Variants in CLVS1 observed in about 807,000 individuals in gnomAD.
CLVS1 encodes the protein clavesin 1.
CLVS1 carries 10 observed loss-of-function variants against 33.1 expected under a neutral mutation model. The ratio of observed to expected loss-of-function variants is 0.30; its 90% CI spans 0.19 to 0.51. CLVS1 has a LOEUF of 0.51. Among genes scored for constraint, CLVS1 ranks in the 20% least tolerant of loss-of-function variants. The probability of loss-of-function intolerance (pLI) is 0.97; values close to 1 mark genes in which losing one functional copy is unlikely to be tolerated. For synonymous variants in CLVS1, 163 were observed against 166.1 expected (o/e 0.98, Z 0.14); for missense variants, 343 against 433.4 (o/e 0.79, Z 1.85).
chr8:61,326,185 C>A (rs1434693562), intron 2 of CLVS1, among the ~76,000 whole-genome samples: 1 of 152,188 alleles, frequency 6.6e-6, no homozygotes, highest in Non-Finnish European at 1.5e-5. Context: ...TTTGTTACAA[C>A]AAAGGTACCC....
intron 3 of CLVS1, among the ~76,000 whole-genome samples, chr8:61,419,750 T>C (rs1337658128): frequency 1.3e-5 from 2 of 152,258 alleles, no homozygotes; most frequent in East Asian, 1.9e-4. Context: ...CTCTGTAGGC[T>C]CTCAGGCTTT....
intron 2 of CLVS1, among the ~76,000 whole-genome samples, chr8:61,183,955 A>G (rs1807291960): frequency 6.6e-6 from 1 of 152,172 alleles, no homozygotes; most frequent in South Asian, 2.1e-4. Flanking sequence ...GTTGTTTCGG[A>G]AAAAGTAATG....
At chr8:61,478,058 C>T (rs1818024083) in intron 5 of CLVS1, among the ~76,000 whole-genome samples, 1 of 152,120 alleles carries the variant, frequency 6.6e-6, no homozygotes, top group South Asian at 2.1e-4. Context: ...TTACTTCTGC[C>T]TTCATTTCGT....
chr8:61,202,205 A>T, intron 2 of CLVS1: 1 of 437,554 alleles, frequency 2.3e-6, no homozygotes, highest in South Asian at 2.2e-5. Context: ...AGCTAAGAAC[A>T]TAAAGTACAT....
chr8:61,484,348 T>A (rs1803789096), intron 5 of CLVS1, among the ~76,000 whole-genome samples: 1 of 152,118 alleles, frequency 6.6e-6, no homozygotes, highest in South Asian at 2.1e-4. Context: ...TCACAATTGC[T>A]TCAAAGAGAA....
chr8:61,393,902 T>C (rs991328058), intron 3 of CLVS1, among the ~76,000 whole-genome samples: 2 of 152,142 alleles, frequency 1.3e-5, no homozygotes, highest in African/African-American at 4.8e-5. Context: ...AGCAGGGAAG[T>C]TGTCACCTGC....
At chr8:61,202,551 C>T (rs1026670514) in intron 2 of CLVS1, 17 of 1,168,454 alleles carry the variant, frequency 1.5e-5, no homozygotes, top group African/African-American at 3.0e-5. Flanking sequence ...CAATGAATTA[C>T]GAAGGCAGCC....
chr8:61,313,854 C>G (rs1428119389), intron 2 of CLVS1, among the ~76,000 whole-genome samples: 1 of 152,140 alleles, frequency 6.6e-6, no homozygotes, highest in Non-Finnish European at 1.5e-5. Context: ...GCCTACTGAT[C>G]CACAGCATGG....
At chr8:61,190,929 G>A (rs756210309) in intron 2 of CLVS1, among the ~76,000 whole-genome samples, 5 of 152,120 alleles carry the variant, frequency 3.3e-5, no homozygotes, top group Admixed American at 6.6e-5. Context: ...ATTCACAGCT[G>A]AATTCTACCA....
intron 1 of CLVS1, among the ~76,000 whole-genome samples, chr8:61,088,898 T>C (rs1805178413): frequency 6.6e-6 from 1 of 151,390 alleles, no homozygotes; most frequent in South Asian, 2.1e-4. Context: ...GCCTCCTGGG[T>C]TCACGCCATT....
chr8:61,065,331 A>C (rs1365819607), intron 1 of CLVS1, among the ~76,000 whole-genome samples: 1 of 152,226 alleles, frequency 6.6e-6, no homozygotes, highest in African/African-American at 2.4e-5. Context: ...GTACAGATAC[A>C]ATCATCTTTT....
chr8:61,292,105 G>A (rs1810013801), intron 1 of CLVS1: 1 of 268,358 alleles, frequency 3.7e-6, no homozygotes, highest in African/African-American at 3.4e-5. Context: ...TGAGAAGCCA[G>A]GGCAAAGAAA....
At chr8:61,326,637 G>T (rs749312672) in intron 2 of CLVS1, among the ~76,000 whole-genome samples, 1 of 152,120 alleles carries the variant, frequency 6.6e-6, no homozygotes, top group Admixed American at 6.6e-5. Context: ...GGAACATGTC[G>T]CCTGAGATGG....
chr8:61,460,171 T>C (rs561908443), intron 5 of CLVS1, among the ~76,000 whole-genome samples: 202 of 152,320 alleles, frequency 1.3e-3, no homozygotes, highest in African/African-American at 4.8e-3. Flanking sequence ...TCCACGTCAG[T>C]ATATTTAGAC....
intron 3 of CLVS1, among the ~76,000 whole-genome samples, chr8:61,418,127 T>C (rs1349408993): frequency 6.6e-6 from 1 of 152,190 alleles, no homozygotes. Context: ...ATACTGGCTT[T>C]CCCCCAGGTT....
At chr8:61,047,965 A>G in the CLVS1 span, among the ~76,000 whole-genome samples, 1 of 150,566 alleles carries the variant, frequency 6.6e-6, no homozygotes, top group Non-Finnish European at 1.5e-5. Context: ...AAAAAAATTC[A>G]TCATCCATTA....
At chr8:61,359,897 C>A (rs975046269) in intron 2 of CLVS1, among the ~76,000 whole-genome samples, 1 of 152,162 alleles carries the variant, frequency 6.6e-6, no homozygotes, top group Non-Finnish European at 1.5e-5. Context: ...TCCTGCCTGG[C>A]GTTCCTAGGC....
intron 2 of CLVS1, among the ~76,000 whole-genome samples, chr8:61,322,770 T>C (rs1318686422): frequency 6.6e-6 from 1 of 152,170 alleles, no homozygotes; most frequent in African/African-American, 2.4e-5. Context: ...TCTCAATTAA[T>C]CAATTAATTA....
chr8:61,067,042 G>A (rs1267574336), intron 1 of CLVS1, among the ~76,000 whole-genome samples: 1 of 152,060 alleles, frequency 6.6e-6, no homozygotes, highest in Non-Finnish European at 1.5e-5. Flanking sequence ...GGAGGGCAAT[G>A]ATGTTCAACC....
Sources: allele counts gnomAD v4.1 joint callset (sites outside exome capture counted in the v4.1 genomes callset), GRCh38; gene constraint gnomAD v4.1.1; transcripts MANE v1.5; gene names NCBI Gene and HGNC (gene_info 2026-07-23, HGNC 2026-07-21).